Variants in PRH1 observed in about 807,000 individuals in gnomAD.
PRH1 encodes the protein salivary acidic proline-rich phosphoprotein 1/2.
Under a neutral mutation model 7.9 loss-of-function variants are expected in PRH1, and 7 were observed. That is an observed-to-expected ratio of 0.89 (90% confidence interval 0.50 to 1.67). PRH1 has a LOEUF of 1.67. Among genes scored for constraint, PRH1 ranks in the 40% most tolerant of loss-of-function variants. PRH1 has a pLI of 0.00. For missense variants in PRH1, 109 were observed against 223.6 expected (o/e 0.49, Z 3.27); for synonymous variants, 45 against 80.8 (o/e 0.56, Z 2.38).
rs1347574553 is a variant in PRH1, at chr12:11,082,340, T to C, written n.124-35152A>G. 2.6e-5 allele frequency among the ~76,000 whole-genome samples: 3 copies of C among 115,088 alleles called. 1 individual carries two copies. Among genetic ancestry groups the C allele is most frequent in the Non-Finnish European group, 6.2e-5 (3 of 48,742 alleles). The allele number at this position is 115,088 out of a possible 152,430, so 75.5% of individuals were successfully genotyped here. Reference sequence around the variant, plus strand: ...TTTTTTCGAGATGGAAATTCTCTCTTGTCACCCAGTCTGGAGTTCAATGGC... The same window carrying C: ...TTTTTTCGAGATGGAAATTCTCTCTCGTCACCCAGTCTGGAGTTCAATGGC... On this transcript the variant is annotated intron_variant and non_coding_transcript_variant, in intron 1 of 4. Coordinates refer to the PRH1 transcript ENST00000541977.
At chr12:10,971,635 T>C (rs1938819480) in intron 2 of PRH1, among the ~76,000 whole-genome samples, 1 of 152,170 alleles carries the variant, frequency 6.6e-6, no homozygotes, top group African/African-American at 2.4e-5. Context: ...TTCATCTTCA[T>C]CAGATAATGC....
chr12:10,897,212 A>C (rs554558768), intron 2 of PRH1, among the ~76,000 whole-genome samples: 1 of 152,360 alleles, frequency 6.6e-6, no homozygotes, highest in Middle Eastern at 3.4e-3. Flanking sequence ...ATTAATAAAA[A>C]TTAAATAAGA....
chr12:11,057,755 T>C (rs75596756), intron 1 of PRH1, among the ~76,000 whole-genome samples: 6 of 126,636 alleles, frequency 4.7e-5, no homozygotes, highest in Admixed American at 2.5e-4. Context: ...GAGCAGAGCA[T>C]AGCTTCTGGC....
intron 1 of PRH1, 104 bp from the exon 2 acceptor site, chr12:10,883,200 C>T: frequency 1.5e-6 from 2 of 1,321,944 alleles, no homozygotes; most frequent in African/African-American, 1.5e-5. Context: ...CCTGTGCATC[C>T]CCTTTGTGAT....
intron 1 of PRH1, among the ~76,000 whole-genome samples, chr12:10,982,028 T>C (rs1390753462): frequency 6.6e-6 from 1 of 152,110 alleles, no homozygotes; most frequent in Non-Finnish European, 1.5e-5. Flanking sequence ...AGATGGTACA[T>C]AGAGCTTTGG....
At chr12:10,938,460 A>C in intron 2 of PRH1, 4 of 1,614,058 alleles carry the variant, frequency 2.5e-6, no homozygotes, top group Non-Finnish European at 3.4e-6. Context: ...GTCCAAACTG[A>C]TATGAAAAAA....
intron 1 of PRH1, among the ~76,000 whole-genome samples, chr12:11,074,543 C>T (rs1944219497): frequency 7.8e-6 from 1 of 127,586 alleles, no homozygotes; most frequent in Admixed American, 7.9e-5. Flanking sequence ...ATGAACTTGC[C>T]CGAAGGGACT....
intron 1 of PRH1, 51 bp from the exon 2 acceptor site, chr12:10,883,147 A>G (rs1949435341): frequency 1.3e-6 from 2 of 1,583,804 alleles, no homozygotes; most frequent in Admixed American, 1.7e-5. Context: ...GAATCATTCA[A>G]GGCTCATAGT....
upstream of PRH1, among the ~76,000 whole-genome samples, chr12:11,047,914 G>C (rs1364540218): frequency 6.6e-6 from 1 of 152,242 alleles, no homozygotes; most frequent in African/African-American, 2.4e-5. Flanking sequence ...TTCAAACAAT[G>C]ATAGTTAAGT....
intron 2 of PRH1, among the ~76,000 whole-genome samples, chr12:10,940,343 T>C (rs550255926): frequency 2.6e-5 from 4 of 152,334 alleles, no homozygotes; most frequent in African/African-American, 9.6e-5. Flanking sequence ...TTTAGTACTG[T>C]GATAGTTTTA....
chr12:11,009,377 T>C (rs28498385), intron 1 of PRH1, among the ~76,000 whole-genome samples: 46,215 of 151,826 alleles, frequency 0.3, 8,892 homozygotes, highest in East Asian at 0.74. Flanking sequence ...TTAAATTTTT[T>C]AGTTATCTTG....
chr12:10,939,530 T>C (rs186037396), intron 2 of PRH1, among the ~76,000 whole-genome samples: 1 of 150,892 alleles, frequency 6.6e-6, no homozygotes, highest in Non-Finnish European at 1.5e-5. Flanking sequence ...TAAGGACATA[T>C]TTATTTTCAT....
intron 1 of PRH1, chr12:11,031,199 T>C (rs747401376): frequency 1.2e-5 from 20 of 1,614,058 alleles, no homozygotes; most frequent in Non-Finnish European, 1.6e-5. Flanking sequence ...AGTGAGAATC[T>C]GGTCAGCAAA....
chr12:11,059,519 A>G (rs1050732136), intron 1 of PRH1, among the ~76,000 whole-genome samples: 23 of 152,200 alleles, frequency 1.5e-4, no homozygotes, highest in African/African-American at 5.1e-4. Flanking sequence ...ACTAGAAAAT[A>G]TCATAATACA....
At chr12:11,102,562 A>G (rs1469050810) in intron 1 of PRH1, among the ~76,000 whole-genome samples, 1 of 152,230 alleles carries the variant, frequency 6.6e-6, no homozygotes, top group Non-Finnish European at 1.5e-5. Flanking sequence ...TAAAGACTTA[A>G]ATGTTGGACC....
intron 1 of PRH1, among the ~76,000 whole-genome samples, chr12:11,035,926 C>G (rs984037881): frequency 6.6e-6 from 1 of 152,170 alleles, no homozygotes; most frequent in Non-Finnish European, 1.5e-5. Flanking sequence ...GACGGAGTGT[C>G]GCTGTCTCCC....
At chr12:10,930,436 T>C (rs1950188752) in intron 2 of PRH1, 5 of 1,462,184 alleles carry the variant, frequency 3.4e-6, no homozygotes, top group Non-Finnish European at 4.7e-6. Flanking sequence ...TAAACAGTTT[T>C]CTCCCAACCT....
intron 1 of PRH1, among the ~76,000 whole-genome samples, chr12:11,123,018 G>A (rs139170805): frequency 2.7e-5 from 4 of 146,540 alleles, no homozygotes; most frequent in African/African-American, 5.0e-5. Context: ...TGTACTTTAC[G>A]AACAAAGCAT....
intron 1 of PRH1, chr12:11,133,501 T>C (rs769752911): frequency 1.1e-5 from 18 of 1,614,024 alleles, no homozygotes; most frequent in Non-Finnish European, 1.5e-5. Context: ...AATTACAAAC[T>C]GATATGATCA....
Sources: allele counts gnomAD v4.1 joint callset (sites outside exome capture counted in the v4.1 genomes callset), GRCh38; gene constraint gnomAD v4.1.1; transcripts MANE v1.5; gene names NCBI Gene and HGNC (gene_info 2026-07-23, HGNC 2026-07-21).